The following ERBB4 variants were observed in gnomAD, a reference collection of about 807,000 sequenced individuals.
ERBB4 encodes receptor tyrosine-protein kinase erbB-4.
A neutral mutation model predicts 158.0 loss-of-function variants in ERBB4; 42 were observed. That is an observed-to-expected ratio of 0.27 (90% CI 0.21 to 0.34). The LOEUF (loss-of-function observed/expected upper bound fraction) is 0.34, where lower values mean the gene tolerates loss of function less well. ERBB4 is among the 10% of genes least tolerant of loss of function. ERBB4 has a pLI of 1.00. For missense variants in ERBB4, 1,333 were observed against 1,624.1 expected, an observed-to-expected ratio of 0.82 and a Z score of 3.08; for synonymous variants, 583 against 558.7, an observed-to-expected ratio of 1.04 and a Z score of -0.61.
chr2:211,901,691 C>A (rs1032246559), intron 3 of ERBB4, among the ~76,000 whole-genome samples: 1 of 152,086 alleles, frequency 6.6e-6, no homozygotes, highest in African/African-American at 2.4e-5. Flanking sequence ...TATTACTATG[C>A]ATACATCTGG....
At chr2:211,630,665 C>A (rs2125873801) in intron 16 of ERBB4, 71 bp from the exon 17 acceptor site, 1 of 1,336,954 alleles carries the variant, frequency 7.5e-7, no homozygotes, top group Non-Finnish European at 1.1e-6. Context: ...GAGAAAAGAG[C>A]AGTTGTACAA....
chr2:211,769,333 A>C (rs1018920690), intron 4 of ERBB4, among the ~76,000 whole-genome samples: 4 of 152,058 alleles, frequency 2.6e-5, no homozygotes, highest in African/African-American at 9.7e-5. Flanking sequence ...ACATCTTCCT[A>C]TCTTCTTCTG....
At chr2:212,074,444 A>C (rs1410689036) in intron 2 of ERBB4, among the ~76,000 whole-genome samples, 1 of 152,004 alleles carries the variant, frequency 6.6e-6, no homozygotes, top group East Asian at 1.9e-4. Context: ...TTAATCCCAT[A>C]TTTATTTAAC....
intron 1 of ERBB4, among the ~76,000 whole-genome samples, chr2:212,242,622 AAC>A (rs2084151004): frequency 3.3e-5 from 5 of 152,206 alleles, no homozygotes; most frequent in Admixed American, 3.3e-4. Context: ...AATTTAAAAT[AAC>A]ACAGAGATAA....
chr2:212,201,111 A>G (rs1258633876), intron 1 of ERBB4, among the ~76,000 whole-genome samples: 1 of 152,190 alleles, frequency 6.6e-6, no homozygotes, highest in East Asian at 1.9e-4. Flanking sequence ...TCAATTAGAT[A>G]TTAAGAAAGT....
At chr2:212,199,214 A>T (rs140791417) in intron 1 of ERBB4, among the ~76,000 whole-genome samples, 8 of 152,280 alleles carry the variant, frequency 5.3e-5, no homozygotes, top group Non-Finnish European at 7.4e-5. Flanking sequence ...AACTATTTAC[A>T]ACCATTAACT....
chr2:211,989,810 C>G (rs2082027185), intron 2 of ERBB4, among the ~76,000 whole-genome samples: 1 of 151,912 alleles, frequency 6.6e-6, no homozygotes, highest in Non-Finnish European at 1.5e-5. Context: ...AAAAAGAACA[C>G]AGCATTCACT....
chr2:211,860,977 A>T (rs55700014), intron 3 of ERBB4, among the ~76,000 whole-genome samples: 19 of 83,282 alleles, frequency 2.3e-4, no homozygotes, highest in African/African-American at 4.5e-4. Context: ...AATATATTTA[A>T]ATATATTATA....
At chr2:211,519,550 G>C (rs1257181398) in intron 20 of ERBB4, among the ~76,000 whole-genome samples, 1 of 151,992 alleles carries the variant, frequency 6.6e-6, no homozygotes, top group African/African-American at 2.4e-5. Context: ...AAGCAAAAGT[G>C]GTTCATATTC....
chr2:211,941,830 A>G (rs2080507441), intron 3 of ERBB4, among the ~76,000 whole-genome samples: 2 of 152,230 alleles, frequency 1.3e-5, no homozygotes, highest in South Asian at 4.1e-4. Flanking sequence ...GTGGTAAAAC[A>G]AAGGAAAACT....
chr2:212,005,760 T>C (rs1452974586), intron 2 of ERBB4, among the ~76,000 whole-genome samples: 2 of 152,196 alleles, frequency 1.3e-5, no homozygotes, highest in African/African-American at 4.8e-5. Context: ...AGCCAATTTT[T>C]ATTTTCCATA....
chr2:211,446,531 T>C (rs2064116670), intron 20 of ERBB4, among the ~76,000 whole-genome samples: 1 of 152,196 alleles, frequency 6.6e-6, no homozygotes. Flanking sequence ...TCAGAATGGA[T>C]TTGGACATTA....
intron 1 of ERBB4, among the ~76,000 whole-genome samples, chr2:212,259,117 C>T (rs2084843711): frequency 6.6e-6 from 1 of 151,922 alleles, no homozygotes; most frequent in Non-Finnish European, 1.5e-5. Context: ...AAGTAGAATC[C>T]AATTAATGTT....
chr2:212,349,905 T>G (rs991653456), intron 1 of ERBB4, among the ~76,000 whole-genome samples: 5 of 152,046 alleles, frequency 3.3e-5, no homozygotes, highest in Non-Finnish European at 5.9e-5. Context: ...GAAAATAGAT[T>G]TGGAAAGGCA....
intron 1 of ERBB4, among the ~76,000 whole-genome samples, chr2:212,293,495 T>C (rs888736897): frequency 8.6e-5 from 13 of 151,874 alleles, no homozygotes; most frequent in African/African-American, 3.1e-4. Context: ...AAAACAACCA[T>C]CATCATATAC....
At chr2:212,202,975 T>G in intron 1 of ERBB4, among the ~76,000 whole-genome samples, 1 of 151,620 alleles carries the variant, frequency 6.6e-6, no homozygotes, top group East Asian at 1.9e-4. Context: ...TTATGTAATA[T>G]ATGTTATATA....
chr2:212,073,153 T>C (rs770395362), intron 2 of ERBB4, among the ~76,000 whole-genome samples: 2 of 151,862 alleles, frequency 1.3e-5, no homozygotes, highest in African/African-American at 2.4e-5. Context: ...ACATCAGTAT[T>C]AGAAAAGCTA....
intron 1 of ERBB4, among the ~76,000 whole-genome samples, chr2:212,326,406 G>A (rs911314129): frequency 6.7e-6 from 1 of 150,260 alleles, no homozygotes; most frequent in Non-Finnish European, 1.5e-5. Flanking sequence ...TTAAATAAAT[G>A]CTCATTTAAA....
intron 20 of ERBB4, among the ~76,000 whole-genome samples, chr2:211,520,160 T>C (rs1033722474): frequency 3.3e-5 from 5 of 152,126 alleles, no homozygotes; most frequent in Non-Finnish European, 7.4e-5. Context: ...TAGCAATACA[T>C]TTGTTGGTAA....
Sources: gnomAD v4.1 joint callset for allele counts (sites outside exome capture counted in the v4.1 genomes callset) on GRCh38, gnomAD v4.1.1 for gene constraint, MANE v1.5 for transcripts, NCBI Gene and HGNC (gene_info 2026-07-23, HGNC 2026-07-21) for gene names.